TENM2: variants seen among roughly 807,000 people sequenced by gnomAD.
TENM2 encodes the protein teneurin transmembrane protein 2.
A neutral mutation model predicts 245.2 loss-of-function variants in TENM2; 52 were observed. That is an observed-to-expected ratio of 0.21 (90% confidence interval 0.17 to 0.27). TENM2 has a LOEUF of 0.27. TENM2 is among the 10% of genes least tolerant of loss of function. The pLI is 1.00. For missense variants in TENM2, 3,046 were observed against 3,666.8 expected (o/e 0.83, Z 4.37); for synonymous variants, 1,363 against 1,438.9 (o/e 0.95, Z 1.19).
intron 2 of TENM2, among the ~76,000 whole-genome samples, chr5:167,554,309 C>T (rs1044214684): frequency 6.6e-6 from 1 of 152,152 alleles, no homozygotes; most frequent in Admixed American, 6.6e-5. Context: ...AAGATGATAA[C>T]CCAGCCAGAC....
Position 167,877,885 on chromosome 5 carries a change from G to GT in TENM2, c.712+1694dup, listed in dbSNP as rs534766165. ...ATTTAATTGAACTACCTTCGCTTAT[G>GT]TTTTGCTGCTTTTTATTTCATACTA... is the stretch of plus-strand genomic sequence containing the variant. On this transcript the variant is annotated intron_variant, in intron 3 of 28. Coordinates refer to ENST00000518659, the Ensembl canonical transcript of TENM2. Among the ~76,000 whole-genome samples the GT allele has an allele frequency of 3.5e-4, 54 of 152,236 alleles. 1 individual carries two copies. The East Asian group carries it at 7.3e-3, about 21-fold the overall frequency.
chr5:167,421,540 G>A (rs1326903490), intron 2 of TENM2, among the ~76,000 whole-genome samples: 2 of 152,168 alleles, frequency 1.3e-5, no homozygotes, highest in South Asian at 2.1e-4. Flanking sequence ...CAGTGAATAT[G>A]TGGAGATACG....
intron 2 of TENM2, among the ~76,000 whole-genome samples, chr5:167,646,391 A>C (rs1034753187): frequency 6.6e-6 from 1 of 151,704 alleles, no homozygotes; most frequent in African/African-American, 2.4e-5. Context: ...TTATTGAAGC[A>C]CTGGCTTACT....
At chr5:168,252,172 G>GTTTT (rs1393145137) in intron 27 of TENM2, among the ~76,000 whole-genome samples, 1 of 152,056 alleles carries the variant, frequency 6.6e-6, no homozygotes. Context: ...CAGTCTAGGA[G>GTTTT]TTTGAGACCA....
In TENM2 at chr5:168,215,160, G is replaced by A. The variant is rs541244997; in HGVS notation, c.3966G>A (p.Leu1322=). Residue 1322 remains leucine, a synonymous_variant, in exon 21 of 29, where the codon CTG becomes CTA. Coordinates refer to ENST00000518659, the Ensembl canonical transcript of TENM2. Reference sequence around the variant, plus strand: ...AGTCTCTGAGTGGAACCAAAGACCTGGCTGGGAATTCGGAAGTTGTGGCAG... The same window carrying A: ...AGTCTCTGAGTGGAACCAAAGACCTAGCTGGGAATTCGGAAGTTGTGGCAG... The A allele has an allele frequency of 3.5e-4, 561 of 1,613,868 alleles. 8 individuals carry two copies. In the South Asian group the frequency reaches 5.8e-3, roughly 17 times the overall value.
chr5:168,064,483 G>C lies in TENM2; in HGVS notation c.1515+2218G>C, dbSNP rs556566979. Among the ~76,000 whole-genome samples the C allele has an allele frequency of 1.5e-4, 23 of 152,250 alleles. No individual in the cohort carries two copies. In the East Asian group the frequency reaches 4.3e-3, roughly 28 times the overall value. On this transcript the variant is annotated intron_variant, in intron 7 of 28. Coordinates refer to ENST00000518659, the Ensembl canonical transcript of TENM2. ...GCCAATGATCATGGCAAGTCAAGTT[G>C]GTAACTCTCTGTAACTGAGTGGTAG... is the stretch of plus-strand genomic sequence containing the variant.
rs143548071 is a variant in TENM2 at position 167,726,549 on chromosome 5, C to T, written c.503-149437C>T. ...TCATTGCTCACTGTAGACTTGGCCTCCCAATCTCAAGCGATCTTCCTGCCT... is the reference window on the plus strand; with the variant it reads ...TCATTGCTCACTGTAGACTTGGCCTTCCAATCTCAAGCGATCTTCCTGCCT... On this transcript the variant is annotated intron_variant, in intron 2 of 28. Transcript: ENST00000518659. Among the ~76,000 whole-genome samples, 185 of 152,234 alleles carry T rather than the reference C, an allele frequency of 1.2e-3. 4 individuals carry two copies. In the East Asian group the frequency reaches 0.028, roughly 23 times the overall value.
At chr5:168,023,342 T>C (rs1277489333) in intron 5 of TENM2, among the ~76,000 whole-genome samples, 1 of 152,176 alleles carries the variant, frequency 6.6e-6, no homozygotes, top group East Asian at 1.9e-4. Context: ...GCCGTGATGA[T>C]TTCCAGGCCG....
chr5:167,800,424 C>A (rs1765626875), intron 2 of TENM2, among the ~76,000 whole-genome samples: 1 of 152,198 alleles, frequency 6.6e-6, no homozygotes, highest in Non-Finnish European at 1.5e-5. Context: ...GGATTCATTT[C>A]TAATCACGCA....
At chr5:168,026,280 T>C (rs2546944) in intron 5 of TENM2, among the ~76,000 whole-genome samples, 62,846 of 152,010 alleles carry the variant, frequency 0.41, 14,179 homozygotes, top group African/African-American at 0.59. Context: ...AAACATTTAT[T>C]CACTGACGTG....
At chr5:167,288,490 C>T (rs528231241) in intron 1 of TENM2, among the ~76,000 whole-genome samples, 19 of 148,334 alleles carry the variant, frequency 1.3e-4, no homozygotes, top group South Asian at 4.2e-4. Context: ...ACCTGGGAGG[C>T]GGAGCTTGCA....
At chr5:167,970,752 C>T (rs1240836837) in intron 4 of TENM2, among the ~76,000 whole-genome samples, 1 of 151,914 alleles carries the variant, frequency 6.6e-6, no homozygotes, top group Non-Finnish European at 1.5e-5. Context: ...TCCTAACATG[C>T]AACACGTCCT....
intron 2 of TENM2, among the ~76,000 whole-genome samples, chr5:167,466,902 A>G (rs1766694516): frequency 6.6e-6 from 1 of 152,324 alleles, no homozygotes; most frequent in Non-Finnish European, 1.5e-5. Flanking sequence ...CACCTGAAGT[A>G]GTTCGGACTT....
chr5:167,938,050 C>T (rs930798656), intron 3 of TENM2: 2 of 152,188 alleles, frequency 1.3e-5, no homozygotes, highest in South Asian at 2.1e-4. Context: ...ACATGTATTC[C>T]GTGTGCTTAA....
intron 21 of TENM2, among the ~76,000 whole-genome samples, chr5:168,216,488 C>A (rs190852541): frequency 6.6e-6 from 1 of 152,194 alleles, no homozygotes; most frequent in Non-Finnish European, 1.5e-5. Context: ...TCATTTGCGG[C>A]CTTGGTTCAT....
intron 15 of TENM2, among the ~76,000 whole-genome samples, chr5:168,198,321 G>C (rs1237222610): frequency 1.3e-5 from 2 of 149,744 alleles, no homozygotes; most frequent in African/African-American, 4.9e-5. Flanking sequence ...TTGGCCTCCT[G>C]AGTAGCTGAG....
chr5:166,984,069 A>T, the TENM2 span, among the ~76,000 whole-genome samples: 8 of 152,244 alleles, frequency 5.3e-5, no homozygotes, highest in African/African-American at 1.7e-4. Context: ...GCTTAAGCTT[A>T]TTTGAAAAAA....
rs1411966852 is a variant in TENM2 at position 168,195,551 on chromosome 5, C to CGTGTAT, written c.2900+260_2900+261insATGTGT. On this transcript the variant is annotated intron_variant, in intron 15 of 28. Coordinates refer to ENST00000518659, the Ensembl canonical transcript of TENM2. The stretch of plus-strand genomic sequence containing the variant: ...GTTTTTTTAATGTCAGGTCAATGCA[C>CGTGTAT]GTGTGTGTGTGTGTGTGTGTGTGTG... Among the ~76,000 whole-genome samples the CGTGTAT allele has an allele frequency of 9.2e-4, 90 of 98,238 alleles. 2 individuals are homozygous for CGTGTAT. Among genetic ancestry groups the CGTGTAT allele is most frequent in the Non-Finnish European group, 1.4e-3 (67 of 47,672 alleles). The allele number at this position is 98,238 out of a possible 152,430, so 64.4% of individuals were successfully genotyped here. A position where few individuals can be genotyped will look rare whatever the true frequency, so the allele number is the denominator to read the frequency against.
intron 5 of TENM2, among the ~76,000 whole-genome samples, chr5:167,995,459 G>GTT (rs1250840567): frequency 6.6e-6 from 1 of 152,122 alleles, no homozygotes; most frequent in Non-Finnish European, 1.5e-5. Context: ...TCAAAAAATA[G>GTT]TTTATGACAC....
Sources: gnomAD v4.1 joint callset for allele counts (sites outside exome capture counted in the v4.1 genomes callset) on GRCh38, gnomAD v4.1.1 for gene constraint, MANE v1.5 for transcripts, NCBI Gene and HGNC (gene_info 2026-07-23, HGNC 2026-07-21) for gene names.